The following TP63 variants were observed in gnomAD, a reference collection of about 807,000 sequenced individuals.
TP63 encodes the protein tumor protein 63.
In TP63, 17 loss-of-function variants were observed where a neutral mutation model predicts 82.8. That is an observed-to-expected ratio of 0.21 (90% CI 0.14 to 0.31). The LOEUF (loss-of-function observed/expected upper bound fraction) is 0.31, where lower values mean the gene tolerates loss of function less well. Among genes scored for constraint, TP63 ranks in the 10% least tolerant of loss-of-function variants. The pLI, the probability that TP63 is intolerant of heterozygous loss-of-function variation, is 1.00. For missense variants in TP63, 648 were observed against 895.3 expected (o/e 0.72, Z 3.52); for synonymous variants, 330 against 321.7 (o/e 1.03, Z -0.28).
intron 1 of TP63, among the ~76,000 whole-genome samples, chr3:189,702,850 T>G (rs1009261053): frequency 6.6e-6 from 1 of 152,248 alleles, no homozygotes; most frequent in Non-Finnish European, 1.5e-5. Context: ...ACCATTGATA[T>G]GATTGGAAAT....
chr3:189,683,169 A>G (rs1284771382), intron 1 of TP63, among the ~76,000 whole-genome samples: 1 of 152,176 alleles, frequency 6.6e-6, no homozygotes. Flanking sequence ...TTATAAAGAC[A>G]TTGCCTAAAG....
At chr3:189,650,571 C>T (rs1458743473) in intron 1 of TP63, among the ~76,000 whole-genome samples, 2 of 147,086 alleles carry the variant, frequency 1.4e-5, no homozygotes, top group Non-Finnish European at 3.0e-5. Context: ...GACACTCTTT[C>T]TTCTCCTTCC....
At chr3:189,870,587 G>A (rs1515489) in intron 9 of TP63, among the ~76,000 whole-genome samples, 19,124 of 152,108 alleles carry the variant, frequency 0.13, 1,501 homozygotes, top group South Asian at 0.21. Flanking sequence ...AAAGACAACT[G>A]TGTATGTAAA....
chr3:189,851,645 G>T (rs1298757420), intron 4 of TP63, among the ~76,000 whole-genome samples: 5 of 152,106 alleles, frequency 3.3e-5, no homozygotes, highest in Admixed American at 1.3e-4. Flanking sequence ...CTTTTATAAG[G>T]TAAGGAGGGA....
chr3:189,642,722 G>A (rs1712008977), intron 1 of TP63, among the ~76,000 whole-genome samples: 1 of 152,134 alleles, frequency 6.6e-6, no homozygotes, highest in South Asian at 2.1e-4. Flanking sequence ...TCGAAGCAGA[G>A]AGAGGCTGTG....
chr3:189,616,177 T>C, the TP63 span, among the ~76,000 whole-genome samples: 67,560 of 152,068 alleles, frequency 0.44, 16,298 homozygotes, highest in Middle Eastern at 0.66. Flanking sequence ...AATATCCACA[T>C]ATCCTCTCAT....
intron 4 of TP63, 56 bp from the exon 5 acceptor site, chr3:189,864,176 C>G (rs1393693199): frequency 3.1e-6 from 5 of 1,607,326 alleles, no homozygotes; most frequent in African/African-American, 1.3e-5. Flanking sequence ...TGGAATGTAA[C>G]AATATCTCCT....
At chr3:189,786,092 T>C (rs900992476) in intron 3 of TP63, among the ~76,000 whole-genome samples, 4 of 151,986 alleles carry the variant, frequency 2.6e-5, no homozygotes, top group Admixed American at 6.6e-5. Context: ...AATGGAGCCA[T>C]TGACATCGGT....
intron 4 of TP63, among the ~76,000 whole-genome samples, chr3:189,862,544 T>G (rs1412259292): frequency 6.6e-6 from 1 of 152,220 alleles, no homozygotes; most frequent in Non-Finnish European, 1.5e-5. Flanking sequence ...AAGGATACCT[T>G]ATTTGCCTTT....
At chr3:189,866,319 A>T (rs752695435) in intron 5 of TP63, among the ~76,000 whole-genome samples, 36 of 152,080 alleles carry the variant, frequency 2.4e-4, no homozygotes, top group South Asian at 2.1e-4. Context: ...ATTTTTTTTT[A>T]AATTAATTTG....
At chr3:189,727,345 C>G (rs1156960834) in intron 1 of TP63, among the ~76,000 whole-genome samples, 1 of 152,172 alleles carries the variant, frequency 6.6e-6, no homozygotes, top group Non-Finnish European at 1.5e-5. Context: ...CTGCATGAAT[C>G]AGACCAGTAT....
chr3:189,726,653 C>T (rs924253768), intron 1 of TP63, among the ~76,000 whole-genome samples: 1 of 152,016 alleles, frequency 6.6e-6, no homozygotes, highest in Non-Finnish European at 1.5e-5. Context: ...AGGTGTGAAC[C>T]GAGGATCCTG....
chr3:189,663,518 A>ATTC (rs1714106886), intron 1 of TP63, among the ~76,000 whole-genome samples: 2 of 85,452 alleles, frequency 2.3e-5, no homozygotes, highest in Non-Finnish European at 5.1e-5. Flanking sequence ...TATTTCATTC[A>ATTC]TTCTTTTTTT....
intron 13 of TP63, 81 bp from the exon 14 acceptor site, chr3:189,894,125 G>C (rs1721282206): frequency 6.6e-7 from 1 of 1,525,722 alleles, no homozygotes; most frequent in African/African-American, 1.4e-5. Context: ...CAGAGCATCA[G>C]GGAATGATAG....
intron 1 of TP63, among the ~76,000 whole-genome samples, chr3:189,657,926 A>G (rs1382514345): frequency 6.6e-6 from 1 of 152,112 alleles, no homozygotes; most frequent in Non-Finnish European, 1.5e-5. Flanking sequence ...ACACCTAAGT[A>G]GTTACAAGCA....
intron 1 of TP63, among the ~76,000 whole-genome samples, chr3:189,637,042 G>A (rs908641590): frequency 6.6e-6 from 1 of 152,038 alleles, no homozygotes; most frequent in African/African-American, 2.4e-5. Flanking sequence ...GCAGCTCAGG[G>A]TGGAAGGTAG....
At chr3:189,645,793 A>G (rs1017923539) in intron 1 of TP63, among the ~76,000 whole-genome samples, 1 of 146,568 alleles carries the variant, frequency 6.8e-6, no homozygotes, top group Non-Finnish European at 1.5e-5. Flanking sequence ...GCTCAGAATG[A>G]TGGTTTCCAG....
At position 189,897,103 on chromosome 3, in the gene TP63, A is replaced by G. The variant is rs1721532264; in HGVS notation, c.*2601A>G. 4.5e-6 allele frequency: 1 copy of G among 224,006 alleles called. No homozygotes were observed. The highest frequency in any genetic ancestry group is 2.2e-5 in the African/African-American group (1 of 44,840). 13.9% of individuals were successfully genotyped at this position (224,006 alleles called of 1,614,324 possible). On this transcript the variant is annotated 3_prime_UTR_variant, in exon 14 of 14. Transcript: ENST00000264731. ...AAATGTTAAAAGTTTTATATGCTTT[A>G]TTAATGTTTTCAAAAGGTATTATAC...
At chr3:189,781,792 A>G (rs1724252470) in intron 3 of TP63, among the ~76,000 whole-genome samples, 1 of 152,192 alleles carries the variant, frequency 6.6e-6, no homozygotes, top group Admixed American at 6.5e-5. Context: ...CAACTAGTCT[A>G]TAAAATTAGC....
Sources: gnomAD v4.1 joint callset for allele counts (sites outside exome capture counted in the v4.1 genomes callset) on GRCh38, gnomAD v4.1.1 for gene constraint, MANE v1.5 for transcripts, NCBI Gene and HGNC (gene_info 2026-07-23, HGNC 2026-07-21) for gene names.